Variants in GLOD5 observed in about 807,000 individuals in gnomAD.
GLOD5 encodes glyoxalase domain containing 5, also known as glyoxalase domain-containing protein 5.
Under a neutral mutation model 9.9 loss-of-function variants are expected in GLOD5, and 7 were observed. The observed-to-expected ratio is 0.71, with a 90% CI of 0.40 to 1.33. GLOD5 has a LOEUF of 1.33. GLOD5 is among the 40% of genes most tolerant of loss of function. The pLI, the probability that GLOD5 is intolerant of heterozygous loss-of-function variation, is 0.01. For synonymous variants in GLOD5, 49 were observed against 47.3 expected (o/e 1.04, Z -0.14); for missense variants, 146 against 128.4 (o/e 1.14, Z -0.66).
intron 2 of GLOD5, among the ~76,000 whole-genome samples, chrX:48,770,300 TAAAC>T (rs1166361932): frequency 3.6e-5 from 4 of 111,067 alleles, no homozygotes; most frequent in South Asian, 7.4e-4. Flanking sequence ...AATAAATAAA[TAAAC>T]AAACAAACAG....
intron 1 of GLOD5, among the ~76,000 whole-genome samples, chrX:48,763,713 A>G (rs895765859): frequency 1.8e-5 from 2 of 111,745 alleles, no homozygotes; most frequent in Non-Finnish European, 3.8e-5. Context: ...TTAAAAAAGA[A>G]AGTTAATAAA....
chrX:48,767,987 A>G (rs993329326), intron 2 of GLOD5, among the ~76,000 whole-genome samples: 30 of 111,372 alleles, frequency 2.7e-4, no homozygotes, highest in African/African-American at 9.8e-4. Flanking sequence ...ATTTTTTTAG[A>G]CAGTGTCTCA....
At chrX:48,773,049 A>G (rs1257173681) in intron 3 of GLOD5, among the ~76,000 whole-genome samples, 2 of 110,207 alleles carry the variant, frequency 1.8e-5, no homozygotes, top group Non-Finnish European at 3.8e-5. Context: ...CAGCCTGGGC[A>G]GCACAGCAAG....
Position 48,770,997 on chromosome X carries a change from C to A in GLOD5, c.272C>A (p.Pro91His). The A allele has an allele frequency of 8.3e-7, 1 of 1,201,767 alleles. No homozygotes were observed. Among genetic ancestry groups the A allele is most frequent in the Non-Finnish European group, 1.1e-6 (1 of 889,185 alleles). Reference sequence around the variant, plus strand: ...CACGAGGTGGGAAAGGAATTTGAACCCAAAGCCGCTCACCCAGTTCCTGGC... The same window carrying A: ...CACGAGGTGGGAAAGGAATTTGAACACAAAGCCGCTCACCCAGTTCCTGGC... Reference protein sequence around the residue: ...NLHEVGKEFEPKAAHPVPGSL... With the variant: ...NLHEVGKEFEHKAAHPVPGSL... Residue 91 changes from proline (P) to histidine (H), a missense_variant, in exon 3 of 4, where the codon CCC becomes CAC. Coordinates refer to ENST00000303227, the MANE Select transcript of GLOD5 (RefSeq NM_001080489.3).
In GLOD5 at chrX:48,773,485, T is replaced by C. The variant is rs2062628491; in HGVS notation, c.*50T>C. ...GTCCCCCTTGATGTCGCCCTCTCCT[T>C]TCCTTCCTGCAAACCCCCACCCAGG... On this transcript the variant is annotated 3_prime_UTR_variant, in exon 4 of 4. Coordinates refer to ENST00000303227, the MANE Select transcript of GLOD5 (RefSeq NM_001080489.3). The C allele has an allele frequency of 8.5e-6, 10 of 1,172,362 alleles. No individual in the cohort carries two copies. The Admixed American group carries it at 1.6e-4, about 19-fold the overall frequency.
chrX:48,773,087 C>T (rs1298645139), intron 3 of GLOD5, among the ~76,000 whole-genome samples: 1 of 109,817 alleles, frequency 9.1e-6, no homozygotes, highest in Non-Finnish European at 1.9e-5. Context: ...AATAGCTGGG[C>T]ATGGTGGCAT....
chrX:48,763,046 T>C (rs1397594579), intron 1 of GLOD5, among the ~76,000 whole-genome samples: 1 of 111,931 alleles, frequency 8.9e-6, no homozygotes, highest in African/African-American at 3.2e-5. Flanking sequence ...ATGATGCAGA[T>C]GTGGCCAAAG....
At chrX:48,773,262 C>T (rs369632032) in intron 3 of GLOD5, 48 bp from the exon 4 acceptor site, 1 of 1,194,872 alleles carries the variant, frequency 8.4e-7, no homozygotes, top group East Asian at 3.0e-5. Context: ...ATTTTGGTCT[C>T]ACACACACAT....
chrX:48,762,193 G>A (rs1385804753), intron 1 of GLOD5: 1 of 166,167 alleles, frequency 6.0e-6, no homozygotes, highest in Non-Finnish European at 1.1e-5. Context: ...ACACAGCGCT[G>A]ACCTTGAGCT....
chrX:48,771,312 A>C (rs782588052), intron 3 of GLOD5, among the ~76,000 whole-genome samples: 1 of 111,007 alleles, frequency 9.0e-6, no homozygotes, highest in African/African-American at 3.3e-5. Context: ...TATGCACTGA[A>C]ATACTTTTTT....
chrX:48,773,273 T>A, intron 3 of GLOD5, 37 bp from the exon 4 acceptor site: 1 of 1,208,606 alleles, frequency 8.3e-7, no homozygotes, highest in Non-Finnish European at 1.1e-6. Flanking sequence ...ACACACACAT[T>A]TTGACGAACG....
At chrX:48,764,023 C>T (rs782759518) in intron 1 of GLOD5, among the ~76,000 whole-genome samples, 14 of 112,665 alleles carry the variant, frequency 1.2e-4, no homozygotes, top group African/African-American at 4.2e-4. Flanking sequence ...GGAATCGAAT[C>T]GAACAGAATA....
At chrX:48,763,057 C>T (rs781857423) in intron 1 of GLOD5, among the ~76,000 whole-genome samples, 3 of 111,928 alleles carry the variant, frequency 2.7e-5, no homozygotes, top group Non-Finnish European at 3.8e-5. Flanking sequence ...GTGGCCAAAG[C>T]AGTGCTTAGA....
At chrX:48,764,604 G>A (rs1401314167) in intron 1 of GLOD5, among the ~76,000 whole-genome samples, 1 of 103,589 alleles carries the variant, frequency 9.7e-6, no homozygotes, top group Non-Finnish European at 2.0e-5. Context: ...CAGGAGTCCG[G>A]TTGAGTGATC....
At chrX:48,771,106 T>G in intron 3 of GLOD5, 24 bp downstream of exon 3, 1 of 1,126,476 alleles carries the variant, frequency 8.9e-7, no homozygotes, top group Non-Finnish European at 1.2e-6. Context: ...CTCTTCTTTT[T>G]GCAAAAGCTG....
intron 1 of GLOD5, among the ~76,000 whole-genome samples, chrX:48,764,595 A>G (rs1373782009): frequency 9.8e-6 from 1 of 102,271 alleles, no homozygotes. Flanking sequence ...TCTGTCACCC[A>G]GGAGTCCGGT....
chrX:48,763,769 G>A (rs1194016467), intron 1 of GLOD5, among the ~76,000 whole-genome samples: 2 of 111,992 alleles, frequency 1.8e-5, no homozygotes, highest in Non-Finnish European at 3.8e-5. Flanking sequence ...CCAAAATGTC[G>A]GTCATTTTCT....
chrX:48,770,286 A>C (rs1302853636), intron 2 of GLOD5, among the ~76,000 whole-genome samples: 2 of 111,262 alleles, frequency 1.8e-5, no homozygotes, highest in African/African-American at 6.5e-5. Flanking sequence ...AATAATAATA[A>C]ATAAATAAAT....
At chrX:48,763,558 T>A (rs1335610577) in intron 1 of GLOD5, among the ~76,000 whole-genome samples, 2 of 110,934 alleles carry the variant, frequency 1.8e-5, no homozygotes, top group African/African-American at 3.3e-5. Flanking sequence ...TTGGGCATGG[T>A]GGCACACACC....
Sources: gnomAD v4.1 joint callset for allele counts (sites outside exome capture counted in the v4.1 genomes callset) on GRCh38, gnomAD v4.1.1 for gene constraint, MANE v1.5 for transcripts, NCBI Gene and HGNC (gene_info 2026-07-23, HGNC 2026-07-21) for gene names.